PPARG: variants seen among roughly 807,000 people sequenced by gnomAD.
The protein encoded by PPARG is peroxisome proliferator-activated receptor gamma.
PPARG carries 17 observed loss-of-function variants against 39.2 expected under a neutral mutation model. That is an observed-to-expected ratio of 0.43 (90% CI 0.30 to 0.65). The LOEUF (loss-of-function observed/expected upper bound fraction) is 0.65, where lower values mean the gene tolerates loss of function less well. PPARG is among the 30% of genes least tolerant of loss of function. The pLI is 0.13. For missense variants in PPARG, 406 were observed against 585.9 expected (o/e 0.69, Z 3.17); for synonymous variants, 223 against 215.7 (o/e 1.03, Z -0.30).
chr3:12,404,389 C>T (rs1346412275), intron 5 of PPARG, among the ~76,000 whole-genome samples: 1 of 152,176 alleles, frequency 6.6e-6, no homozygotes, highest in East Asian at 1.9e-4. Context: ...CTCAAGGGTA[C>T]ATGTCAGTTT....
intron 2 of PPARG, among the ~76,000 whole-genome samples, chr3:12,350,456 C>T (rs981244233): frequency 2.0e-5 from 3 of 152,134 alleles, no homozygotes; most frequent in Non-Finnish European, 4.4e-5. Flanking sequence ...CAGAATATCA[C>T]GATAAGTATA....
chr3:12,420,874 C>A (rs761298170), intron 7 of PPARG, among the ~76,000 whole-genome samples: 14 of 152,204 alleles, frequency 9.2e-5, no homozygotes, highest in Admixed American at 9.2e-4. Flanking sequence ...AGAAAGATGA[C>A]CTAGTTCTTC....
At chr3:12,428,241 G>T (rs1473808476) in intron 7 of PPARG, among the ~76,000 whole-genome samples, 2 of 152,232 alleles carry the variant, frequency 1.3e-5, no homozygotes, top group African/African-American at 4.8e-5. Flanking sequence ...TTGTAGATTT[G>T]CCCATAATCC....
chr3:12,338,423 A>C (rs999481833), intron 2 of PPARG, among the ~76,000 whole-genome samples: 6 of 152,218 alleles, frequency 3.9e-5, no homozygotes, highest in African/African-American at 1.4e-4. Flanking sequence ...TCTCTCTCTT[A>C]AAATTGCTTG....
chr3:12,433,590 G>A (rs960334768), intron 7 of PPARG, among the ~76,000 whole-genome samples: 1 of 151,470 alleles, frequency 6.6e-6, no homozygotes, highest in Admixed American at 6.6e-5. Context: ...GTAGAAACAC[G>A]TTAGCAGAGG....
chr3:12,354,157 A>C (rs1188004012), intron 2 of PPARG, among the ~76,000 whole-genome samples: 1 of 152,188 alleles, frequency 6.6e-6, no homozygotes, highest in African/African-American at 2.4e-5. Context: ...TATATTCAGA[A>C]ACATTTAGAT....
At chr3:12,400,345 G>A (rs2050428499) in intron 5 of PPARG, among the ~76,000 whole-genome samples, 1 of 152,164 alleles carries the variant, frequency 6.6e-6, no homozygotes, top group African/African-American at 2.4e-5. Context: ...CAAAAAGCAG[G>A]ACATCTAACT....
intron 6 of PPARG, among the ~76,000 whole-genome samples, chr3:12,408,820 AAAGT>A: frequency 7.6e-6 from 1 of 131,482 alleles, no homozygotes; most frequent in African/African-American, 3.3e-5. Context: ...ATAGTACCAG[AAAGT>A]CAGGCAAAAG....
upstream of PPARG, among the ~76,000 whole-genome samples, chr3:12,288,405 C>G (rs1357320921): frequency 6.6e-6 from 1 of 151,770 alleles, no homozygotes; most frequent in Non-Finnish European, 1.5e-5. Context: ...CGGTGCGTCC[C>G]GGCTTCCAGG....
chr3:12,405,481 G>A (rs1380653113), intron 5 of PPARG, among the ~76,000 whole-genome samples: 1 of 152,196 alleles, frequency 6.6e-6, no homozygotes, highest in Non-Finnish European at 1.5e-5. Flanking sequence ...TTCGTGAAAC[G>A]TGTTGATCCT....
At chr3:12,368,944 A>G (rs114152226) in intron 2 of PPARG, among the ~76,000 whole-genome samples, 1,848 of 152,322 alleles carry the variant, frequency 0.012, 46 homozygotes, top group African/African-American at 0.042. Context: ...ATTCCTTTTA[A>G]GAGGACTTTA....
At chr3:12,292,253 T>G (rs1000824644) in intron 1 of PPARG, among the ~76,000 whole-genome samples, 1 of 152,266 alleles carries the variant, frequency 6.6e-6, no homozygotes, top group Non-Finnish European at 1.5e-5. Flanking sequence ...GAGTCCTGTG[T>G]AGCCCCTCTT....
intron 1 of PPARG, among the ~76,000 whole-genome samples, chr3:12,303,133 C>T (rs1475560917): frequency 1.3e-5 from 2 of 152,014 alleles, no homozygotes; most frequent in African/African-American, 4.8e-5. Context: ...TTCCTTCATG[C>T]CAGAGTTAGA....
intron 2 of PPARG, among the ~76,000 whole-genome samples, chr3:12,342,826 C>T (rs1368417106): frequency 2.6e-5 from 4 of 151,526 alleles, no homozygotes; most frequent in African/African-American, 9.7e-5. Context: ...AAACCCCTAC[C>T]TTTTCAGATA....
At chr3:12,294,148 A>G (rs6809631) in intron 1 of PPARG, among the ~76,000 whole-genome samples, 3 of 151,958 alleles carry the variant, frequency 2.0e-5, no homozygotes, top group Non-Finnish European at 4.4e-5. Flanking sequence ...AATAAAGTTA[A>G]TGCATGTCCC....
chr3:12,430,292 G>A (rs923361493), intron 7 of PPARG, among the ~76,000 whole-genome samples: 3 of 152,162 alleles, frequency 2.0e-5, no homozygotes, highest in African/African-American at 4.8e-5. Context: ...CAGCCTTCTC[G>A]CTCATTAACT....
Position 12,377,981 on chromosome 3 carries a change from A to G in PPARG, c.-8-1723A>G, listed in dbSNP as rs1040992585. Among the ~76,000 whole-genome samples the G allele has an allele frequency of 2.9e-4, 44 of 152,216 alleles. 1 individual carries two copies. The highest frequency in any genetic ancestry group is 1.0e-3 in the African/African-American group (42 of 41,452). ...GATAAAGGAATATCCATTTCTAGAA[A>G]GAAGACATACAAGTGGCCAACAGAT... On this transcript the variant is annotated intron_variant, in intron 2 of 7. Transcript: ENST00000651735.
chr3:12,341,714 TAGG>T (rs992400026), intron 2 of PPARG, among the ~76,000 whole-genome samples: 1 of 151,928 alleles, frequency 6.6e-6, no homozygotes, highest in African/African-American at 2.4e-5. Flanking sequence ...GAGGCTGAGG[TAGG>T]AGGATCGCTT....
intron 2 of PPARG, among the ~76,000 whole-genome samples, chr3:12,363,260 A>G (rs180674503): frequency 6.6e-6 from 1 of 152,344 alleles, no homozygotes; most frequent in African/African-American, 2.4e-5. Flanking sequence ...GATTAAAAGT[A>G]TGAAAAGTGT....
Sources: gnomAD v4.1 joint callset for allele counts (sites outside exome capture counted in the v4.1 genomes callset) on GRCh38, gnomAD v4.1.1 for gene constraint, MANE v1.5 for transcripts, NCBI Gene and HGNC (gene_info 2026-07-23, HGNC 2026-07-21) for gene names.